The following JARID2 variants were observed in gnomAD, a reference collection of about 807,000 sequenced individuals.
JARID2 encodes jumonji and AT-rich interaction domain containing 2, also known as protein Jumonji.
A neutral mutation model predicts 125.6 loss-of-function variants in JARID2; 21 were observed. The observed-to-expected ratio is 0.17, with a 90% CI of 0.12 to 0.24. The LOEUF (loss-of-function observed/expected upper bound fraction) is 0.24. JARID2 is among the 10% of genes least tolerant of loss of function. The pLI is 1.00. For missense variants in JARID2, 1,303 were observed against 1,639.6 expected (o/e 0.79, Z 3.55); for synonymous variants, 736 against 661.6 (o/e 1.11, Z -1.73).
intron 1 of JARID2, among the ~76,000 whole-genome samples, chr6:15,312,107 G>C (rs999515642): frequency 6.6e-6 from 1 of 152,194 alleles, no homozygotes; most frequent in Non-Finnish European, 1.5e-5. Flanking sequence ...CCAGGCTGGA[G>C]TGCAGTGGTG....
intron 1 of JARID2, among the ~76,000 whole-genome samples, chr6:15,332,753 T>TTTG (rs1554124921): frequency 6.6e-6 from 1 of 152,084 alleles, no homozygotes; most frequent in African/African-American, 2.4e-5. Context: ...AACAATTTTT[T>TTTG]TGTGTGTGTG....
chr6:15,513,201 C>A (rs1037167486), intron 15 of JARID2, 38 bp from the exon 16 acceptor site: 36 of 1,554,608 alleles, frequency 2.3e-5, no homozygotes, highest in Non-Finnish European at 2.7e-5. Flanking sequence ...CATGGCAGGC[C>A]GTCACTAAAG....
intron 3 of JARID2, among the ~76,000 whole-genome samples, chr6:15,427,162 C>G (rs755139966): frequency 3.3e-5 from 5 of 152,166 alleles, no homozygotes; most frequent in Non-Finnish European, 7.3e-5. Context: ...ATTAGATACT[C>G]AATTCTTCTG....
At chr6:15,393,564 G>A (rs1183599134) in intron 2 of JARID2, among the ~76,000 whole-genome samples, 1 of 152,178 alleles carries the variant, frequency 6.6e-6, no homozygotes, top group Non-Finnish European at 1.5e-5. Context: ...AAAAATTCAA[G>A]ATTTCAGAAA....
intron 3 of JARID2, among the ~76,000 whole-genome samples, chr6:15,433,862 C>T (rs1767078222): frequency 1.3e-5 from 2 of 151,016 alleles, no homozygotes; most frequent in Admixed American, 1.3e-4. Context: ...TCCATCATAC[C>T]CCTGTTTTTT....
chr6:15,409,748 A>G (rs534628760), intron 2 of JARID2, among the ~76,000 whole-genome samples: 15 of 152,328 alleles, frequency 9.8e-5, no homozygotes, highest in Non-Finnish European at 1.9e-4. Context: ...TAGGATTTCT[A>G]GTTAATATCT....
At chr6:15,473,684 C>G (rs1347397192) in intron 5 of JARID2, among the ~76,000 whole-genome samples, 3 of 151,928 alleles carry the variant, frequency 2.0e-5, no homozygotes, top group Admixed American at 2.0e-4. Flanking sequence ...ATCCGAGTAC[C>G]AAGTCTTTTG....
intron 1 of JARID2, among the ~76,000 whole-genome samples, chr6:15,332,326 C>G (rs1561797113): frequency 6.6e-6 from 1 of 152,156 alleles, no homozygotes; most frequent in African/African-American, 2.4e-5. Context: ...ACATGCCAGA[C>G]AATTCTTTTA....
At chr6:15,504,763 C>CT (rs1204683894) in intron 9 of JARID2, among the ~76,000 whole-genome samples, 171 bp downstream of exon 9, 1 of 152,134 alleles carries the variant, frequency 6.6e-6, no homozygotes, top group Admixed American at 6.5e-5. Flanking sequence ...AATGTTTTAA[C>CT]TTAGGTTGAT....
chr6:15,266,399 G>C (rs574886079), intron 1 of JARID2, among the ~76,000 whole-genome samples: 3 of 152,238 alleles, frequency 2.0e-5, no homozygotes, highest in South Asian at 4.1e-4. Flanking sequence ...TTTCTTACCT[G>C]CACCCTGGAA....
intron 1 of JARID2, among the ~76,000 whole-genome samples, chr6:15,361,205 G>A (rs1763780038): frequency 6.6e-6 from 1 of 152,146 alleles, no homozygotes; most frequent in African/African-American, 2.4e-5. Flanking sequence ...TGTTGTAAAT[G>A]TTCCAGAATT....
chr6:15,332,808 C>T (rs1171469183), intron 1 of JARID2, among the ~76,000 whole-genome samples: 2 of 151,858 alleles, frequency 1.3e-5, no homozygotes, highest in Non-Finnish European at 2.9e-5. Context: ...TACATACATT[C>T]GTTGTCTGTC....
chr6:15,471,609 TG>T (rs1415488858), intron 5 of JARID2, among the ~76,000 whole-genome samples: 2 of 152,238 alleles, frequency 1.3e-5, no homozygotes, highest in Non-Finnish European at 2.9e-5. Context: ...GCAGTTGTAC[TG>T]GGGTTGCTAA....
At chr6:15,385,485 AT>A (rs1188056818) in intron 2 of JARID2, among the ~76,000 whole-genome samples, 7 of 150,882 alleles carry the variant, frequency 4.6e-5, no homozygotes, top group African/African-American at 9.7e-5. Flanking sequence ...ATTTATATAG[AT>A]TTTTTAATAG....
At chr6:15,410,426 A>C (rs1765828383) in intron 3 of JARID2, 61 bp downstream of exon 3, 3 of 1,528,196 alleles carry the variant, frequency 2.0e-6, no homozygotes, top group Non-Finnish European at 1.8e-6. Context: ...CTCAGGTGCC[A>C]GTTTTCACCA....
chr6:15,370,855 G>A (rs1378911426), intron 1 of JARID2, among the ~76,000 whole-genome samples: 2 of 152,194 alleles, frequency 1.3e-5, no homozygotes. Flanking sequence ...TGACCCTACA[G>A]TTGAGAAAGG....
rs367728699 is a variant in JARID2 at position 15,517,288 on chromosome 6, G to A, written c.3558+20G>A. ...GATGAGGTCAGTCCCTGCCCGCGGG[G>A]TAGGGCAGGGCGGCAGCGTGGCGCC... On this transcript the variant is annotated intron_variant, in intron 17 of 17. Transcript: ENST00000341776. 3.0e-4 allele frequency: 472 copies of A among 1,555,686 alleles called. 4 individuals are homozygous for A. In the African/African-American group the frequency reaches 5.7e-3, roughly 19 times the overall value.
intron 2 of JARID2, among the ~76,000 whole-genome samples, chr6:15,408,816 C>G (rs1765755801): frequency 6.6e-6 from 1 of 152,222 alleles, no homozygotes; most frequent in African/African-American, 2.4e-5. Flanking sequence ...CTCTGAAACA[C>G]TGGCCACGCT....
At position 15,324,792 on chromosome 6, in the gene JARID2, G is replaced by A. The variant is rs189621881; in HGVS notation, c.46-49325G>A. Among the ~76,000 whole-genome samples, 7 of 151,122 alleles carry A rather than the reference G, an allele frequency of 4.6e-5. No homozygotes were observed. The East Asian group carries it at 1.4e-3, about 29-fold the overall frequency. ...GTGTGAGCCACCGCTCCCGCCAACTGCTTTTTGAGTTAATATTTGTTTGGA... is the reference window on the plus strand; with the variant it reads ...GTGTGAGCCACCGCTCCCGCCAACTACTTTTTGAGTTAATATTTGTTTGGA... On this transcript the variant is annotated intron_variant, in intron 1 of 17. Coordinates refer to ENST00000341776, the MANE Select transcript of JARID2 (RefSeq NM_004973.4).
Sources: gnomAD v4.1 joint callset for allele counts (sites outside exome capture counted in the v4.1 genomes callset) on GRCh38, gnomAD v4.1.1 for gene constraint, MANE v1.5 for transcripts, NCBI Gene and HGNC (gene_info 2026-07-23, HGNC 2026-07-21) for gene names.